Variants in KCNH5 observed in about 807,000 individuals in gnomAD.
KCNH5 encodes the protein voltage-gated delayed rectifier potassium channel KCNH5.
A neutral mutation model predicts 96.1 loss-of-function variants in KCNH5; 46 were observed. That is an observed-to-expected ratio of 0.48 (90% confidence interval 0.38 to 0.61). The LOEUF is 0.61. Ranked by LOEUF, KCNH5 falls within the 20% of genes least tolerant of loss-of-function variation. KCNH5 has a pLI of 0.00. For synonymous variants in KCNH5, 439 were observed against 449.8 expected (o/e 0.98, Z 0.30); for missense variants, 907 against 1,225.8 (o/e 0.74, Z 3.88).
intron 8 of KCNH5, among the ~76,000 whole-genome samples, chr14:62,829,617 T>C (rs962058254): frequency 1.3e-5 from 2 of 152,192 alleles, no homozygotes; most frequent in Non-Finnish European, 2.9e-5. Flanking sequence ...CAGGGCACCA[T>C]GTCCTGAGGC....
intron 8 of KCNH5, among the ~76,000 whole-genome samples, chr14:62,838,067 A>T (rs1887500077): frequency 6.6e-6 from 1 of 152,206 alleles, no homozygotes; most frequent in Non-Finnish European, 1.5e-5. Context: ...GATTTAAATT[A>T]TGTCTTCTGA....
chr14:62,960,051 C>T lies in KCNH5; in HGVS notation c.943-9492G>A, dbSNP rs532234358. 1.4e-4 allele frequency among the ~76,000 whole-genome samples: 21 copies of T among 152,270 alleles called. No homozygotes were observed. In the South Asian group the frequency reaches 3.7e-3, roughly 27 times the overall value. On this transcript the variant is annotated intron_variant, in intron 6 of 10. Transcript: ENST00000322893. ...GGGTCCAGGCTTACCACTCTAGCTC[C>T]GTTCTCTTCTGCTCACTCTCCATCC... is the stretch of plus-strand genomic sequence containing the variant.
chr14:62,816,154 T>C (rs1886973679), intron 8 of KCNH5, among the ~76,000 whole-genome samples: 1 of 151,866 alleles, frequency 6.6e-6, no homozygotes, highest in Admixed American at 6.6e-5. Context: ...CTTGAAAAGA[T>C]TGGGAAATTA....
intron 6 of KCNH5, among the ~76,000 whole-genome samples, chr14:62,978,412 T>C (rs1566728486): frequency 6.6e-6 from 1 of 152,080 alleles, no homozygotes; most frequent in Non-Finnish European, 1.5e-5. Flanking sequence ...TAACGTAGTT[T>C]CGGTCTTTGC....
At chr14:62,816,698 A>G (rs9635174) in intron 8 of KCNH5, among the ~76,000 whole-genome samples, 82,008 of 151,218 alleles carry the variant, frequency 0.54, 22,592 homozygotes, top group South Asian at 0.79. Flanking sequence ...TAAATAATAT[A>G]TAAGAAACAA....
chr14:62,757,491 C>A (rs998801771), intron 10 of KCNH5, among the ~76,000 whole-genome samples: 2 of 152,068 alleles, frequency 1.3e-5, no homozygotes, highest in Non-Finnish European at 2.9e-5. Context: ...ATCTGCACTC[C>A]CATGTTTGTT....
At chr14:62,802,879 CT>C (rs1297984726) in intron 8 of KCNH5, among the ~76,000 whole-genome samples, 6 of 152,174 alleles carry the variant, frequency 3.9e-5, no homozygotes, top group African/African-American at 1.4e-4. Context: ...GGCATGGTGG[CT>C]TCTGTAATTC....
At position 62,913,149 on chromosome 14, in the gene KCNH5, A is replaced by G. The variant is rs144405388; in HGVS notation, c.1369+36984T>C. The stretch of plus-strand genomic sequence containing the variant: ...TGAAGCTGCAGAATAAATCTGATGC[A>G]TCTTGTTGGCCTCGAATATAAAATT... On this transcript the variant is annotated intron_variant, in intron 7 of 10. Transcript: ENST00000322893. Among the ~76,000 whole-genome samples the G allele has an allele frequency of 2.4e-4, 37 of 152,346 alleles. No homozygotes were observed. In the East Asian group the frequency reaches 6.4e-3, roughly 26 times the overall value.
At chr14:62,872,554 G>A (rs764078478) in intron 7 of KCNH5, among the ~76,000 whole-genome samples, 9 of 152,066 alleles carry the variant, frequency 5.9e-5, no homozygotes, top group Non-Finnish European at 1.2e-4. Context: ...TTAGCTGGGC[G>A]TGGTGGCATG....
chr14:62,780,377 G>A (rs1257228630), intron 9 of KCNH5, among the ~76,000 whole-genome samples: 1 of 152,054 alleles, frequency 6.6e-6, no homozygotes, highest in Non-Finnish European at 1.5e-5. Context: ...ACATTATTCA[G>A]TAACTATGTA....
intron 1 of KCNH5, among the ~76,000 whole-genome samples, chr14:63,038,636 T>C: frequency 6.6e-6 from 1 of 152,080 alleles, no homozygotes; most frequent in South Asian, 2.1e-4. Context: ...CTATCTAGAA[T>C]GTATATAAAT....
chr14:62,875,790 G>A (rs1271418653), intron 7 of KCNH5, among the ~76,000 whole-genome samples: 1 of 152,206 alleles, frequency 6.6e-6, no homozygotes, highest in Non-Finnish European at 1.5e-5. Context: ...GCCGAGGCAA[G>A]TGGATCACGA....
intron 5 of KCNH5, among the ~76,000 whole-genome samples, chr14:62,981,691 G>A (rs1349077783): frequency 6.6e-6 from 1 of 152,152 alleles, no homozygotes; most frequent in African/African-American, 2.4e-5. Context: ...CTGGACCCCG[G>A]CATCCCACTG....
At chr14:62,941,308 GA>G (rs1566715887) in intron 7 of KCNH5, among the ~76,000 whole-genome samples, 1 of 152,136 alleles carries the variant, frequency 6.6e-6, no homozygotes, top group Non-Finnish European at 1.5e-5. Flanking sequence ...GACTAGGAAT[GA>G]AAAGAAAGAT....
chr14:62,929,993 C>G (rs1028415266), intron 7 of KCNH5, among the ~76,000 whole-genome samples: 1 of 152,050 alleles, frequency 6.6e-6, no homozygotes, highest in Non-Finnish European at 1.5e-5. Context: ...CATAGTATTC[C>G]GTGGTGTATA....
intron 10 of KCNH5, among the ~76,000 whole-genome samples, chr14:62,733,654 C>T (rs561323753): frequency 6.6e-6 from 1 of 152,288 alleles, no homozygotes; most frequent in Non-Finnish European, 1.5e-5. Flanking sequence ...TCTCTGGTCA[C>T]TATAATTCAT....
Position 62,981,066 on chromosome 14 carries a change from G to T in KCNH5, c.748C>A (p.Leu250Met), listed in dbSNP as rs750567842. ...TKQNNIAWLV[L>M]DSVVDVIFLV... is the part of the protein sequence containing the mutation. ...AAAATAACGTCCACCACACTATCCAGTACCAGCCAGGCTATGTTGTTCTGC... is the reference window on the plus strand; with the variant it reads ...AAAATAACGTCCACCACACTATCCATTACCAGCCAGGCTATGTTGTTCTGC... The change falls in exon 6 of 11, where the codon CTG becomes ATG. Residue 250 changes from leucine to methionine, a missense_variant. Leu to Met is a conservative substitution (Grantham distance 15). Transcript: ENST00000322893. 2.5e-6 allele frequency: 4 copies of T among 1,614,148 alleles called. No individual in the cohort carries two copies. In the East Asian group the frequency reaches 8.9e-5, roughly 36 times the overall value.
intron 7 of KCNH5, among the ~76,000 whole-genome samples, chr14:62,857,979 T>C (rs1053875887): frequency 6.6e-6 from 1 of 151,964 alleles, no homozygotes; most frequent in African/African-American, 2.4e-5. Flanking sequence ...CTATCCTTTG[T>C]ACAACCAGAA....
rs4902176 is a variant in KCNH5 at position 62,708,242 on chromosome 14, C to T, written c.2233G>A (p.Ala745Thr). 532,743 of 1,613,896 alleles carry T rather than the reference C, an allele frequency of 0.33. 91,303 individuals carry two copies. Among genetic ancestry groups the T allele is most frequent in the Non-Finnish European group, 0.36 (420,330 of 1,179,900 alleles). Residue 745 changes from alanine (A) to threonine (T), a missense_variant, in exon 11 of 11, where the codon GCC (alanine) becomes ACC (threonine). Ala to Thr is a moderately conservative substitution (Grantham distance 58). Around this residue, in one of 6 missense-constraint regions of KCNH5, gnomAD observed 362 missense variants for 394.4 expected, o/e 0.92. Coordinates refer to ENST00000322893, the MANE Select transcript of KCNH5 (RefSeq NM_139318.5). ...ACCACGCTGGTTCCGGTGATGGAGGCTCCATTCTGTAAGGAGCGGCTCTCT... is the reference window on the plus strand; with the variant it reads ...ACCACGCTGGTTCCGGTGATGGAGGTTCCATTCTGTAAGGAGCGGCTCTCT... ...QVESRSLQNG[A>T]SITGTSVVTV...
Sources: allele counts gnomAD v4.1 joint callset (sites outside exome capture counted in the v4.1 genomes callset), GRCh38; gene constraint gnomAD v4.1.1; regional missense constraint gnomAD v4.1.1; transcripts MANE v1.5; gene names NCBI Gene and HGNC (gene_info 2026-07-23, HGNC 2026-07-21).